The following IMMP2L variants were observed in gnomAD, a reference collection of about 807,000 sequenced individuals.
IMMP2L encodes the protein mitochondrial inner membrane protease subunit 2.
In IMMP2L, 18 loss-of-function variants were observed where a neutral mutation model predicts 19.3. The observed-to-expected ratio is 0.93, with a 90% CI of 0.64 to 1.38. IMMP2L has a LOEUF of 1.38. Among genes scored for constraint, IMMP2L ranks in the 40% most tolerant of loss-of-function variants. IMMP2L has a pLI of 0.00. For synonymous variants in IMMP2L, 76 were observed against 73.0 expected, an observed-to-expected ratio of 1.04 and a Z score of -0.21; for missense variants, 233 against 218.2, an observed-to-expected ratio of 1.07 and a Z score of -0.43.
At chr7:110,820,784 A>G (rs1336488945) in intron 5 of IMMP2L, among the ~76,000 whole-genome samples, 4 of 152,064 alleles carry the variant, frequency 2.6e-5, no homozygotes, top group Non-Finnish European at 4.4e-5. Context: ...AAGGGGTGGT[A>G]GGAAGTACAC....
At chr7:111,281,120 AAG>A (rs1264982086) in intron 3 of IMMP2L, among the ~76,000 whole-genome samples, 1 of 68,460 alleles carries the variant, frequency 1.5e-5, no homozygotes, top group East Asian at 9.8e-4. Flanking sequence ...GAAAGAGAGA[AAG>A]AGAGAAAGAG....
chr7:111,186,353 G>A (rs748783738), intron 3 of IMMP2L, among the ~76,000 whole-genome samples: 79 of 151,974 alleles, frequency 5.2e-4, no homozygotes, highest in Non-Finnish European at 6.5e-4. Context: ...GGCCTTCATT[G>A]TTCCTCTTTT....
chr7:110,766,532 G>A (rs1445671918), intron 5 of IMMP2L, among the ~76,000 whole-genome samples: 3 of 142,020 alleles, frequency 2.1e-5, no homozygotes, highest in African/African-American at 5.3e-5. Context: ...GCCGTAAGCC[G>A]AGATCGTACC....
intron 3 of IMMP2L, among the ~76,000 whole-genome samples, chr7:111,304,735 G>C (rs1277096701): frequency 1.4e-5 from 2 of 142,570 alleles, no homozygotes; most frequent in Admixed American, 1.5e-4. Flanking sequence ...CCTGTAAAGA[G>C]GAAATTAAAC....
intron 5 of IMMP2L, among the ~76,000 whole-genome samples, chr7:110,856,199 G>A (rs1020594358): frequency 4.0e-5 from 6 of 151,890 alleles, no homozygotes; most frequent in Non-Finnish European, 7.4e-5. Context: ...GACACTCATC[G>A]TCAAGTCTGG....
At chr7:111,180,915 A>G (rs556392425) in intron 3 of IMMP2L, among the ~76,000 whole-genome samples, 28 of 152,180 alleles carry the variant, frequency 1.8e-4, no homozygotes, top group Admixed American at 7.2e-4. Context: ...ATCTAGCAAT[A>G]TTAAAATAAC....
chr7:111,276,253 A>G (rs1819037811), intron 3 of IMMP2L, among the ~76,000 whole-genome samples: 1 of 152,056 alleles, frequency 6.6e-6, no homozygotes, highest in African/African-American at 2.4e-5. Flanking sequence ...CAGATTTACC[A>G]ATTTACATAT....
intron 3 of IMMP2L, among the ~76,000 whole-genome samples, chr7:111,252,960 T>G (rs1253340271): frequency 2.0e-5 from 3 of 152,156 alleles, no homozygotes; most frequent in Admixed American, 6.6e-5. Context: ...TCAAATTATT[T>G]GTTTAAAAGT....
intron 5 of IMMP2L, among the ~76,000 whole-genome samples, chr7:110,837,673 T>C (rs1721527114): frequency 6.6e-6 from 1 of 152,246 alleles, no homozygotes; most frequent in South Asian, 2.1e-4. Flanking sequence ...TGATGTCAAC[T>C]ATACAGGGGC....
At chr7:111,168,257 T>C (rs1220114389) in intron 3 of IMMP2L, among the ~76,000 whole-genome samples, 4 of 151,956 alleles carry the variant, frequency 2.6e-5, no homozygotes, top group Admixed American at 2.0e-4. Flanking sequence ...TGTGATTGTT[T>C]TTTACTTGTG....
At chr7:110,831,930 G>GT (rs1422071351) in intron 5 of IMMP2L, among the ~76,000 whole-genome samples, 1 of 151,946 alleles carries the variant, frequency 6.6e-6, no homozygotes, top group Non-Finnish European at 1.5e-5. Flanking sequence ...TCCCAGCAGG[G>GT]TTTTTTTTAA....
At chr7:111,500,954 C>G (rs534429493) in intron 2 of IMMP2L, among the ~76,000 whole-genome samples, 1 of 152,030 alleles carries the variant, frequency 6.6e-6, no homozygotes, top group East Asian at 1.9e-4. Context: ...TCACCAGCAA[C>G]GGAACAAAGC....
intron 3 of IMMP2L, among the ~76,000 whole-genome samples, chr7:111,197,441 C>G (rs886790733): frequency 6.6e-6 from 1 of 151,966 alleles, no homozygotes; most frequent in Non-Finnish European, 1.5e-5. Context: ...CCAGCCTGGG[C>G]AACAGAGCGA....
intron 5 of IMMP2L, among the ~76,000 whole-genome samples, chr7:110,674,677 T>C (rs1792167688): frequency 2.0e-5 from 3 of 152,214 alleles, no homozygotes; most frequent in African/African-American, 7.2e-5. Flanking sequence ...ATTTGAAATG[T>C]TGTTCTAAAA....
At chr7:110,675,835 T>C (rs1032924336) in intron 5 of IMMP2L, among the ~76,000 whole-genome samples, 1 of 152,186 alleles carries the variant, frequency 6.6e-6, no homozygotes, top group Admixed American at 6.5e-5. Context: ...AAGGGGGTTA[T>C]TAATAATTAA....
intron 3 of IMMP2L, among the ~76,000 whole-genome samples, chr7:111,108,450 T>TA (rs1450117780): frequency 6.6e-6 from 1 of 152,088 alleles, no homozygotes; most frequent in Non-Finnish European, 1.5e-5. Context: ...ATACCCCCAC[T>TA]ACACTGTGCT....
intron 5 of IMMP2L, among the ~76,000 whole-genome samples, chr7:110,714,754 G>T (rs1318544807): frequency 6.6e-6 from 1 of 151,990 alleles, no homozygotes; most frequent in Non-Finnish European, 1.5e-5. Flanking sequence ...CTGCCACCAT[G>T]CCCAGCTAAT....
At chr7:111,238,401 T>A (rs760574216) in intron 3 of IMMP2L, among the ~76,000 whole-genome samples, 41 of 152,076 alleles carry the variant, frequency 2.7e-4, no homozygotes, top group Non-Finnish European at 4.7e-4. Context: ...TAGTAATAAT[T>A]ACTACATATA....
intron 3 of IMMP2L, among the ~76,000 whole-genome samples, chr7:111,142,214 T>C (rs1802975024): frequency 6.6e-6 from 1 of 151,416 alleles, no homozygotes; most frequent in Non-Finnish European, 1.5e-5. Flanking sequence ...TAATCCCAGC[T>C]ACTCAGGAGG....
Sources: gnomAD v4.1 joint callset for allele counts (sites outside exome capture counted in the v4.1 genomes callset) on GRCh38, gnomAD v4.1.1 for gene constraint, MANE v1.5 for transcripts, NCBI Gene and HGNC (gene_info 2026-07-23, HGNC 2026-07-21) for gene names.